Variants in BCL2L13 observed in about 807,000 individuals in gnomAD.
BCL2L13 encodes the protein BCL2 like 13, also known as bcl-2-like protein 13.
In BCL2L13, 13 loss-of-function variants were observed where a neutral mutation model predicts 25.8. The observed-to-expected ratio is 0.50, with a 90% CI of 0.33 to 0.80. BCL2L13 has a LOEUF of 0.80. Ranked by LOEUF, BCL2L13 falls within the 30% of genes least tolerant of loss-of-function variation. The pLI is 0.02. For synonymous variants in BCL2L13, 244 were observed against 230.3 expected, an observed-to-expected ratio of 1.06 and a Z score of -0.54; for missense variants, 504 against 574.9, an observed-to-expected ratio of 0.88 and a Z score of 1.26.
chr22:17,707,770 T>G (rs1023663519), intron 6 of BCL2L13, among the ~76,000 whole-genome samples: 2 of 152,140 alleles, frequency 1.3e-5, no homozygotes, highest in Admixed American at 6.6e-5. Context: ...TGCCAAAGCT[T>G]CTTCAGATGG....
chr22:17,668,559 T>C (rs916912778), intron 2 of BCL2L13, among the ~76,000 whole-genome samples: 1 of 151,770 alleles, frequency 6.6e-6, no homozygotes, highest in Non-Finnish European at 1.5e-5. Context: ...GTTCAAGCAA[T>C]TCTCCTGCCT....
At chr22:17,664,358 G>T (rs2059167816) in intron 2 of BCL2L13, among the ~76,000 whole-genome samples, 2 of 152,216 alleles carry the variant, frequency 1.3e-5, no homozygotes, top group Non-Finnish European at 2.9e-5. Context: ...GATGCAAGAG[G>T]TGGGTTCCCA....
At chr22:17,680,511 CAAAAAAAAAAAAAAAA>C (rs770410371) in intron 2 of BCL2L13, among the ~76,000 whole-genome samples, 1 of 13,346 alleles carries the variant, frequency 7.5e-5, no homozygotes, top group Non-Finnish European at 1.3e-4. Flanking sequence ...GACTCTGTCT[CAAAAAAAAAAAAAAAA>C]AAAAAAAAAA....
intron 4 of BCL2L13, among the ~76,000 whole-genome samples, chr22:17,695,137 A>G (rs1295188940): frequency 1.3e-5 from 2 of 152,144 alleles, no homozygotes; most frequent in African/African-American, 2.4e-5. Context: ...GAGACTGGAT[A>G]ATTACAGAAA....
chr22:17,654,618 G>T (rs2058793925), intron 1 of BCL2L13, among the ~76,000 whole-genome samples: 1 of 150,934 alleles, frequency 6.6e-6, no homozygotes, highest in African/African-American at 2.4e-5. Flanking sequence ...TAGAGACGGG[G>T]TTTCACTCTG....
At chr22:17,655,932 C>A (rs963548210) in intron 2 of BCL2L13, 100 bp downstream of exon 2, 1 of 1,210,328 alleles carries the variant, frequency 8.3e-7, no homozygotes, top group Admixed American at 2.8e-5. Flanking sequence ...TCAAATAGTA[C>A]TAATAAGCCT....
At chr22:17,693,117 C>T (rs938221722) in intron 4 of BCL2L13, among the ~76,000 whole-genome samples, 2 of 151,762 alleles carry the variant, frequency 1.3e-5, no homozygotes, top group Non-Finnish European at 2.9e-5. Flanking sequence ...TGCTGCTTTC[C>T]GGCTATGTGG....
At chr22:17,726,552 A>G (rs191173054) in intron 6 of BCL2L13, 125 bp from the exon 7 acceptor site, 24 of 1,101,704 alleles carry the variant, frequency 2.2e-5, no homozygotes, top group Non-Finnish European at 6.4e-6. Context: ...TTCGGAAACT[A>G]TGTAGGTTTA....
chr22:17,727,807 A>G lies in BCL2L13; in HGVS notation c.*273A>G. Reference sequence around the variant, plus strand: ...CAGGACCGGGTTTCTCAGCCTTGGCACTAGTGCTGTTCTGACCATTCTCTG... The same window carrying G: ...CAGGACCGGGTTTCTCAGCCTTGGCGCTAGTGCTGTTCTGACCATTCTCTG... On this transcript the variant is annotated 3_prime_UTR_variant, in exon 7 of 7. Transcript: ENST00000317582. 2.0e-6 allele frequency: 1 copy of G among 501,010 alleles called. No individual in the cohort carries two copies. Among genetic ancestry groups the G allele is most frequent in the Non-Finnish European group, 3.6e-6 (1 of 275,792 alleles). The allele number at this position is 501,010 out of a possible 1,614,324, so 31.0% of individuals were successfully genotyped here.
intron 6 of BCL2L13, among the ~76,000 whole-genome samples, chr22:17,712,566 A>G (rs1229798888): frequency 6.6e-6 from 1 of 152,236 alleles, no homozygotes; most frequent in African/African-American, 2.4e-5. Flanking sequence ...GTTTTTGAAG[A>G]CATGACTTAA....
At chr22:17,645,110 A>G (rs567042956) in intron 1 of BCL2L13, among the ~76,000 whole-genome samples, 1 of 151,096 alleles carries the variant, frequency 6.6e-6, no homozygotes, top group East Asian at 2.0e-4. Context: ...CACCCAGCCT[A>G]GGAATTTCTT....
upstream of BCL2L13, among the ~76,000 whole-genome samples, chr22:17,635,825 T>C (rs1277630615): frequency 1.3e-5 from 2 of 151,840 alleles, no homozygotes; most frequent in African/African-American, 4.8e-5. Flanking sequence ...TTCTTCTGCC[T>C]CAGCCTCCCC....
At chr22:17,665,386 ACT>A (rs1490400594) in intron 2 of BCL2L13, among the ~76,000 whole-genome samples, 4 of 151,452 alleles carry the variant, frequency 2.6e-5, no homozygotes, top group African/African-American at 9.7e-5. Flanking sequence ...GAAGTTCCAG[ACT>A]CTCCCACATT....
At chr22:17,654,491 C>G (rs914278999) in intron 1 of BCL2L13, among the ~76,000 whole-genome samples, 5 of 150,472 alleles carry the variant, frequency 3.3e-5, no homozygotes, top group Non-Finnish European at 7.4e-5. Context: ...GGCGTGATCT[C>G]GGCTCATTGT....
At chr22:17,689,842 CAAA>C (rs66645091) in intron 4 of BCL2L13, among the ~76,000 whole-genome samples, 10 of 97,462 alleles carry the variant, frequency 1.0e-4, no homozygotes, top group Non-Finnish European at 1.0e-4. Flanking sequence ...GACTCCATCT[CAAA>C]AAAAAAAAAA....
At position 17,685,760 on chromosome 22, in the gene BCL2L13, C is replaced by CTTTTTTTTTTTTTTTTTTTTTTTTTTTT. The variant is rs1166792513; in HGVS notation, c.229+2441_229+2468dup. 2.0e-4 allele frequency among the ~76,000 whole-genome samples: 12 copies of CTTTTTTTTTTTTTTTTTTTTTTTTTTTT among 60,566 alleles called. 4 individuals are homozygous for CTTTTTTTTTTTTTTTTTTTTTTTTTTTT. The highest frequency in any genetic ancestry group is 5.0e-4 in the East Asian group (1 of 1,994). The allele number at this position is 60,566 out of a possible 152,430, so 39.7% of individuals were successfully genotyped here. ...TATTGCCCAATAATTTTTTCTTTTT[C>CTTTTTTTTTTTTTTTTTTTTTTTTTTTT]TTTTTTTTTTTTTTTTTTTTTTTTT... On this transcript the variant is annotated intron_variant, in intron 3 of 6. Transcript: ENST00000317582.
At chr22:17,706,595 G>A in intron 6 of BCL2L13, 6 of 1,023,466 alleles carry the variant, frequency 5.9e-6, no homozygotes, top group Non-Finnish European at 7.4e-6. Context: ...CGTCTCTGAA[G>A]AGTGTGGTTT....
rs187843661 is a variant in BCL2L13, at chr22:17,694,653, A to G, written c.387-1488A>G. ...CTCATTGAAATCTAGTGTGTATATT[A>G]TACTTTCAGCACACTGGCTACGTTT... On this transcript the variant is annotated intron_variant, in intron 4 of 6. Coordinates refer to ENST00000317582, the MANE Select transcript of BCL2L13 (RefSeq NM_015367.4). Among the ~76,000 whole-genome samples, 4 of 152,248 alleles carry G rather than the reference A, an allele frequency of 2.6e-5. No homozygotes were observed. In the East Asian group the frequency reaches 5.8e-4, roughly 22 times the overall value.
At chr22:17,720,143 G>C (rs1443331031) in intron 6 of BCL2L13, among the ~76,000 whole-genome samples, 2 of 66,394 alleles carry the variant, frequency 3.0e-5, no homozygotes, top group Admixed American at 2.9e-4. Context: ...ACCTAGAAAT[G>C]GTGGGTTTCA....
Sources: gnomAD v4.1 joint callset for allele counts (sites outside exome capture counted in the v4.1 genomes callset) on GRCh38, gnomAD v4.1.1 for gene constraint, MANE v1.5 for transcripts, NCBI Gene and HGNC (gene_info 2026-07-23, HGNC 2026-07-21) for gene names.